Variants in C8orf34 observed in about 807,000 individuals in gnomAD.
C8orf34 encodes the protein chromosome 8 open reading frame 34.
C8orf34 carries 65 observed loss-of-function variants against 68.3 expected under a neutral mutation model. The observed-to-expected ratio is 0.95, with a 90% CI of 0.78 to 1.17. The LOEUF (loss-of-function observed/expected upper bound fraction) is 1.17. Ranked by LOEUF, C8orf34 falls within the 50% of genes most tolerant of loss-of-function variation. C8orf34 has a pLI of 0.00. For missense variants in C8orf34, 664 were observed against 655.4 expected (o/e 1.01, Z -0.14); for synonymous variants, 244 against 241.2 (o/e 1.01, Z -0.11).
At chr8:68,599,573 T>C (rs768937250) in intron 7 of C8orf34, among the ~76,000 whole-genome samples, 2 of 152,048 alleles carry the variant, frequency 1.3e-5, no homozygotes, top group Non-Finnish European at 2.9e-5. Context: ...GGAAAGTCTG[T>C]TAAATAAATT....
intron 10 of C8orf34, among the ~76,000 whole-genome samples, chr8:68,741,458 T>C (rs1205048984): frequency 6.6e-6 from 1 of 152,216 alleles, no homozygotes; most frequent in African/African-American, 2.4e-5. Flanking sequence ...TTATTCTTCA[T>C]GTTACAAATA....
chr8:68,715,685 G>A (rs943565339), intron 9 of C8orf34, among the ~76,000 whole-genome samples: 1 of 151,720 alleles, frequency 6.6e-6, no homozygotes, highest in Non-Finnish European at 1.5e-5. Context: ...GTGTGGATGT[G>A]GTGAAAAAGG....
At chr8:68,372,046 T>C (rs1423085878) in intron 1 of C8orf34, among the ~76,000 whole-genome samples, 1 of 152,214 alleles carries the variant, frequency 6.6e-6, no homozygotes, top group Non-Finnish European at 1.5e-5. Context: ...CCTCTGCATG[T>C]CACATAATTG....
chr8:68,729,052 G>A (rs11778752), intron 10 of C8orf34, among the ~76,000 whole-genome samples: 15,055 of 152,102 alleles, frequency 0.099, 942 homozygotes, highest in Non-Finnish European at 0.14. Context: ...AACTATAATT[G>A]GAAAACATGA....
chr8:68,354,686 G>A (rs1806670252), intron 1 of C8orf34, among the ~76,000 whole-genome samples: 1 of 152,076 alleles, frequency 6.6e-6, no homozygotes, highest in Non-Finnish European at 1.5e-5. Context: ...AGTCTATTGA[G>A]ATAGAGAGGG....
At chr8:68,802,772 T>A (rs2129529631) in intron 12 of C8orf34, among the ~76,000 whole-genome samples, 1 of 152,096 alleles carries the variant, frequency 6.6e-6, no homozygotes, top group African/African-American at 2.4e-5. Context: ...CCTGCCAAAG[T>A]TTTCGGGCTA....
intron 9 of C8orf34, among the ~76,000 whole-genome samples, chr8:68,715,355 T>A (rs1450008080): frequency 6.6e-6 from 1 of 151,858 alleles, no homozygotes; most frequent in Non-Finnish European, 1.5e-5. Context: ...GTGGGAGAAA[T>A]TCTTCATAAT....
chr8:68,567,577 C>CTT (rs1160845483), intron 7 of C8orf34, among the ~76,000 whole-genome samples: 327 of 29,806 alleles, frequency 0.011, 62 homozygotes, highest in East Asian at 0.03. Context: ...TTTCATTTAT[C>CTT]TTTTTTTTTT....
At chr8:68,798,403 T>G (rs996734750) in intron 12 of C8orf34, among the ~76,000 whole-genome samples, 2 of 151,542 alleles carry the variant, frequency 1.3e-5, no homozygotes, top group African/African-American at 4.9e-5. Context: ...GCTTGATAAT[T>G]TTTTAATCCT....
At chr8:68,717,631 G>T (rs947460393) in intron 9 of C8orf34, among the ~76,000 whole-genome samples, 53 of 152,120 alleles carry the variant, frequency 3.5e-4, no homozygotes, top group Non-Finnish European at 5.9e-4. Flanking sequence ...TGGGTTTGGG[G>T]TGTTTATTTT....
chr8:68,616,840 A>G (rs1166303404), intron 7 of C8orf34, among the ~76,000 whole-genome samples: 2 of 152,008 alleles, frequency 1.3e-5, no homozygotes, highest in Non-Finnish European at 2.9e-5. Flanking sequence ...ATTCCTGGGT[A>G]TCCTTGTTAA....
At chr8:68,441,944 A>G (rs1294520659) in intron 2 of C8orf34, among the ~76,000 whole-genome samples, 1 of 152,212 alleles carries the variant, frequency 6.6e-6, no homozygotes, top group Non-Finnish European at 1.5e-5. Context: ...ACACTTTAGT[A>G]GATAATTACA....
chr8:68,353,970 C>G (rs553341292), intron 1 of C8orf34, among the ~76,000 whole-genome samples: 152 of 151,988 alleles, frequency 1.0e-3, no homozygotes, highest in Non-Finnish European at 1.9e-3. Context: ...CCTTCTGCAT[C>G]TGAGGGACAA....
chr8:68,458,398 A>G (rs1461396376), intron 3 of C8orf34, among the ~76,000 whole-genome samples: 1 of 152,156 alleles, frequency 6.6e-6, no homozygotes, highest in African/African-American at 2.4e-5. Context: ...AGCTGGGATG[A>G]TGGGAACCTA....
chr8:68,330,812 C>T, upstream of C8orf34: 1 of 497,828 alleles, frequency 2.0e-6, no homozygotes, highest in Non-Finnish European at 3.5e-6. Context: ...CACACACGCA[C>T]GCACGCACAC....
intron 1 of C8orf34, among the ~76,000 whole-genome samples, chr8:68,334,969 T>C (rs895533463): frequency 1.3e-5 from 2 of 152,092 alleles, no homozygotes; most frequent in African/African-American, 4.8e-5. Flanking sequence ...CTGCCAACCC[T>C]CAGCAAGCCC....
intron 10 of C8orf34, among the ~76,000 whole-genome samples, chr8:68,748,094 T>A (rs1270835697): frequency 6.9e-6 from 1 of 144,320 alleles, no homozygotes; most frequent in Non-Finnish European, 1.5e-5. Context: ...TATCTACAAC[T>A]ATCTGATCTT....
chr8:68,492,912 A>G (rs1385590335), intron 5 of C8orf34, among the ~76,000 whole-genome samples: 3 of 152,176 alleles, frequency 2.0e-5, no homozygotes, highest in Admixed American at 6.5e-5. Context: ...GAATGTCGGC[A>G]CCTGCCATTT....
At chr8:68,532,017 G>A (rs1049188566) in intron 6 of C8orf34, among the ~76,000 whole-genome samples, 1 of 151,968 alleles carries the variant, frequency 6.6e-6, no homozygotes, top group Admixed American at 6.6e-5. Flanking sequence ...GGGAATTGAC[G>A]ATTCTCACTG....
Sources: gnomAD v4.1 joint callset for allele counts (sites outside exome capture counted in the v4.1 genomes callset) on GRCh38, gnomAD v4.1.1 for gene constraint, MANE v1.5 for transcripts, NCBI Gene and HGNC (gene_info 2026-07-23, HGNC 2026-07-21) for gene names.